The following CEP250 variants were observed in gnomAD, a reference collection of about 807,000 sequenced individuals.
CEP250 encodes centrosome-associated protein CEP250.
CEP250 carries 242 observed loss-of-function variants against 315.7 expected under a neutral mutation model. That is an observed-to-expected ratio of 0.77 (90% CI 0.69 to 0.85). The LOEUF is 0.85. Among genes scored for constraint, CEP250 ranks in the 40% least tolerant of loss-of-function variants. The pLI is 0.00. For missense variants in CEP250, 2,515 were observed against 2,886.4 expected, an observed-to-expected ratio of 0.87 and a Z score of 2.95; for synonymous variants, 1,088 against 1,175.0, an observed-to-expected ratio of 0.93 and a Z score of 1.51.
chr20:35,457,952 A>G (rs2062668803), intron 1 of CEP250, among the ~76,000 whole-genome samples: 1 of 152,212 alleles, frequency 6.6e-6, no homozygotes, highest in African/African-American at 2.4e-5. Context: ...GTTGGAAGAG[A>G]GCAACAGAGA....
In CEP250 at chr20:35,462,620, T is replaced by C; in HGVS notation, c.186+67T>C. 2 of 1,407,300 alleles carry C rather than the reference T, an allele frequency of 1.4e-6. 1 individual carries two copies. The highest frequency in any genetic ancestry group is 2.7e-5 in the South Asian group (2 of 74,536). The allele number at this position is 1,407,300 out of a possible 1,614,324, so 87.2% of individuals were successfully genotyped here. The stretch of plus-strand genomic sequence containing the variant: ...CCCAGAGCTAGGTGCTGAGGTGAGA[T>C]AAGGGTTGCAGGAGGCAGAGTCTTG... On this transcript the variant is annotated intron_variant, in intron 4 of 34. Transcript: ENST00000397527.
Position 35,490,650 on chromosome 20 carries a change from C to G in CEP250, c.2600C>G (p.Ser867Cys). Residue 867 changes from serine (S) to cysteine (C), a missense_variant, in exon 21 of 35, where the codon TCC becomes TGC. Physicochemically the swap from Ser to Cys is moderately radical, Grantham distance 112. Transcript: ENST00000397527. The stretch of plus-strand genomic sequence containing the variant: ...TCATGTGGCCAGGAGAAGGAGCGCT[C>G]CTGGCACCAGCAGGAGCTGGCAAAG... ...QLREKWEKER[S>C]WHQQELAKAL... 1 of 1,613,264 alleles carries G rather than the reference C, an allele frequency of 6.2e-7. No individual in the cohort carries two copies. Among genetic ancestry groups the G allele is most frequent in the Non-Finnish European group, 8.5e-7 (1 of 1,179,890 alleles).
chr20:35,488,390 C>G (rs1261164577), intron 20 of CEP250, among the ~76,000 whole-genome samples: 4 of 152,200 alleles, frequency 2.6e-5, no homozygotes, highest in Non-Finnish European at 5.9e-5. Context: ...TGTCCTGTAA[C>G]TGACATTACA....
intron 20 of CEP250, among the ~76,000 whole-genome samples, chr20:35,486,796 T>G (rs1245328982): frequency 6.6e-6 from 1 of 152,178 alleles, no homozygotes; most frequent in Non-Finnish European, 1.5e-5. Context: ...GTTTGCTTAT[T>G]TTTGGAATTC....
At chr20:35,489,620 C>T (rs1027942589) in intron 20 of CEP250, among the ~76,000 whole-genome samples, 1 of 152,232 alleles carries the variant, frequency 6.6e-6, no homozygotes, top group Non-Finnish European at 1.5e-5. Context: ...GAGCCCTTCA[C>T]CTCTATCCTG....
At chr20:35,470,646 G>T (rs1297373057) in intron 10 of CEP250, among the ~76,000 whole-genome samples, 1 of 152,156 alleles carries the variant, frequency 6.6e-6, no homozygotes, top group Non-Finnish European at 1.5e-5. Flanking sequence ...CCAGCTGCTC[G>T]GGAGGCTGAG....
intron 28 of CEP250, 109 bp from the exon 29 acceptor site, chr20:35,501,736 C>G (rs1383949989): frequency 7.8e-7 from 1 of 1,278,896 alleles, no homozygotes; most frequent in Non-Finnish European, 1.1e-6. Context: ...TCTTGGCCTT[C>G]CTTCCCTTTG....
intron 14 of CEP250, chr20:35,474,871 G>A (rs1267639574): frequency 8.5e-6 from 4 of 470,870 alleles, no homozygotes; most frequent in Non-Finnish European, 1.8e-5. Flanking sequence ...TTAATAACTG[G>A]GAGCAGGGAT....
chr20:35,462,651 G>A, intron 4 of CEP250, 98 bp downstream of exon 4: 1 of 1,031,970 alleles, frequency 9.7e-7, no homozygotes, highest in Non-Finnish European at 1.4e-6. Flanking sequence ...TCTTGTGGTG[G>A]GAGTGGCCTA....
chr20:35,493,366 A>G, intron 22 of CEP250, 63 bp from the exon 23 acceptor site: 1 of 1,401,276 alleles, frequency 7.1e-7, no homozygotes, highest in Non-Finnish European at 9.4e-7. Flanking sequence ...CCACCCCACC[A>G]AAAAAACCAG....
chr20:35,467,942 T>G (rs2062928771), intron 9 of CEP250, among the ~76,000 whole-genome samples: 1 of 132,318 alleles, frequency 7.6e-6, no homozygotes, highest in East Asian at 2.1e-4. Flanking sequence ...AAATATTACC[T>G]CTTTTTTTTT....
At chr20:35,469,742 T>A (rs1270441436) in intron 9 of CEP250, 148 bp from the exon 10 acceptor site, 16 of 520,160 alleles carry the variant, frequency 3.1e-5, no homozygotes, top group Non-Finnish European at 5.4e-5. Flanking sequence ...ATTCAGGGAG[T>A]GCAGACGGGC....
At position 35,518,962 on chromosome 20, in the gene CEP250, G is replaced by T. The variant is rs1033016251; in HGVS notation, c.*7336G>T. The T allele has an allele frequency of 6.6e-6, 1 of 151,908 alleles. No individual in the cohort carries two copies. Among genetic ancestry groups the T allele is most frequent in the Non-Finnish European group, 1.5e-5 (1 of 68,016 alleles). The allele number at this position is 151,908 out of a possible 1,614,324, so 9.4% of individuals were successfully genotyped here. A position where few individuals can be genotyped will look rare whatever the true frequency, so the allele number is the denominator to read the frequency against. ...GCAGGAGAATTGCTTGAACCCAGGA[G>T]GCAGAGGTTGCAGTGAGCTGAGATC... On this transcript the variant is annotated 3_prime_UTR_variant, in exon 35 of 35. Coordinates refer to ENST00000397527, the MANE Select transcript of CEP250 (RefSeq NM_007186.6).
At chr20:35,482,993 A>G (rs1601203942) in intron 20 of CEP250, among the ~76,000 whole-genome samples, 1 of 152,022 alleles carries the variant, frequency 6.6e-6, no homozygotes, top group Admixed American at 6.6e-5. Context: ...CCTCTTTCCT[A>G]CTGTCCTGCT....
At position 35,479,369 on chromosome 20, in the gene CEP250, C is replaced by T; in HGVS notation, c.2233C>T (p.Leu745=). ...AGAGAAAGCGGCTCTAGAGGTGCGG[C>T]TGCAGGCCGTGGAGCGTGACCGGCA... is the stretch of plus-strand genomic sequence containing the variant. The part of the protein sequence containing the change: ...VREKAALEVR[L]QAVERDRQDL... The change falls in exon 18 of 35, where the codon CTG becomes TTG. Residue 745 remains leucine, a synonymous_variant. Transcript: ENST00000397527. 1 of 1,614,192 alleles carries T rather than the reference C, an allele frequency of 6.2e-7. No homozygotes were observed. Among genetic ancestry groups the T allele is most frequent in the South Asian group, 1.1e-5 (1 of 91,088 alleles).
In CEP250 at chr20:35,466,999, C is replaced by T. The variant is rs150110885; in HGVS notation, c.526C>T (p.Arg176Cys). 5.1e-5 allele frequency: 82 copies of T among 1,613,636 alleles called. No homozygotes were observed. Among genetic ancestry groups the T allele is most frequent in the Non-Finnish European group, 6.5e-5 (77 of 1,179,696 alleles). Reference protein sequence around the residue: ...FKGYLKGEHGRLLSLWREVVT... With the variant: ...FKGYLKGEHGCLLSLWREVVT... ...GGGCTACCTGAAAGGGGAGCACGGT[C>T]GCCTTCTCAGTCTATGGCGGGAGGT... Residue 176 changes from arginine to cysteine, a missense_variant, in exon 8 of 35, where the codon CGC (arginine) becomes TGC (cysteine). Transcript: ENST00000397527.
chr20:35,494,455 T>A, intron 23 of CEP250, 69 bp from the exon 24 acceptor site: 1 of 1,596,744 alleles, frequency 6.3e-7, no homozygotes, highest in South Asian at 1.1e-5. Flanking sequence ...CCTGAAGCCC[T>A]AGGTGAGGAG....
At chr20:35,486,420 T>G (rs1238206987) in intron 20 of CEP250, among the ~76,000 whole-genome samples, 1 of 151,928 alleles carries the variant, frequency 6.6e-6, no homozygotes, top group Non-Finnish European at 1.5e-5. Context: ...TTTTTTTTTT[T>G]TTGGTAGAGA....
chr20:35,458,636 G>T (rs1601101862), intron 2 of CEP250, among the ~76,000 whole-genome samples: 2 of 152,034 alleles, frequency 1.3e-5, no homozygotes, highest in Admixed American at 1.3e-4. Flanking sequence ...TTTCCCTTTG[G>T]GGGCTCTGCT....
Sources: allele counts gnomAD v4.1 joint callset (sites outside exome capture counted in the v4.1 genomes callset), GRCh38; gene constraint gnomAD v4.1.1; transcripts MANE v1.5; gene names NCBI Gene and HGNC (gene_info 2026-07-23, HGNC 2026-07-21).